FXYD6: variants seen among roughly 807,000 people sequenced by gnomAD.
The protein encoded by FXYD6 is FXYD domain-containing ion transport regulator 6.
FXYD6 carries 7 observed loss-of-function variants against 16.7 expected under a neutral mutation model. That is an observed-to-expected ratio of 0.42 (90% CI 0.24 to 0.79). The LOEUF (loss-of-function observed/expected upper bound fraction) is 0.79, where lower values mean the gene tolerates loss of function less well. FXYD6 is among the 30% of genes least tolerant of loss of function. FXYD6 has a pLI of 0.28. For synonymous variants in FXYD6, 49 were observed against 43.0 expected (o/e 1.14, Z -0.54); for missense variants, 111 against 116.2 (o/e 0.95, Z 0.21).
chr11:117,839,709 C>T (rs1272795690), intron 7 of FXYD6, 72 bp downstream of exon 7: 2 of 1,593,022 alleles, frequency 1.3e-6, no homozygotes, highest in African/African-American at 2.7e-5. Flanking sequence ...TCCTTCCCGC[C>T]TGAACCCCTG....
At chr11:117,860,617 C>T (rs367825137) in intron 1 of FXYD6, among the ~76,000 whole-genome samples, 1 of 152,154 alleles carries the variant, frequency 6.6e-6, no homozygotes, top group South Asian at 2.1e-4. Flanking sequence ...CTGATTAGGC[C>T]GAGGGTGAGA....
chr11:117,846,367 C>T (rs374761807), intron 1 of FXYD6, among the ~76,000 whole-genome samples: 2 of 152,144 alleles, frequency 1.3e-5, no homozygotes, highest in African/African-American at 4.8e-5. Context: ...CTTATTTTTT[C>T]ACTTTTAAAA....
At chr11:117,853,672 A>G (rs1453261096) in intron 1 of FXYD6, among the ~76,000 whole-genome samples, 1 of 152,070 alleles carries the variant, frequency 6.6e-6, no homozygotes, top group Non-Finnish European at 1.5e-5. Context: ...TTGTATTTTT[A>G]GTAGAGACAG....
intron 1 of FXYD6, among the ~76,000 whole-genome samples, chr11:117,849,846 T>C (rs2056563555): frequency 6.6e-6 from 1 of 152,166 alleles, no homozygotes; most frequent in South Asian, 2.1e-4. Context: ...ACCCTGGTAA[T>C]GGTTACTTCA....
intron 2 of FXYD6, among the ~76,000 whole-genome samples, 179 bp downstream of exon 2, chr11:117,842,540 A>G (rs569822237): frequency 6.6e-6 from 1 of 152,306 alleles, no homozygotes; most frequent in African/African-American, 2.4e-5. Flanking sequence ...GAGGTCTGTG[A>G]ATAAATAGCT....
chr11:117,840,650 T>C (rs2056318165), intron 5 of FXYD6, among the ~76,000 whole-genome samples: 1 of 152,166 alleles, frequency 6.6e-6, no homozygotes, highest in Non-Finnish European at 1.5e-5. Flanking sequence ...CCACACGCTT[T>C]GGACTTCTGG....
At chr11:117,858,125 G>A (rs1455011977) in intron 1 of FXYD6, 1 of 152,092 alleles carries the variant, frequency 6.6e-6, no homozygotes, top group Non-Finnish European at 1.5e-5. Flanking sequence ...CCCCACCCCA[G>A]CCCCACTCCA....
intron 1 of FXYD6, among the ~76,000 whole-genome samples, chr11:117,844,526 C>T (rs2056429631): frequency 6.6e-6 from 1 of 151,848 alleles, no homozygotes; most frequent in African/African-American, 2.4e-5. Flanking sequence ...ACTGAGTCTC[C>T]CTGTGTCGCC....
intron 1 of FXYD6, among the ~76,000 whole-genome samples, chr11:117,843,491 GTTCA>G (rs2056405093): frequency 2.0e-5 from 3 of 152,118 alleles, no homozygotes; most frequent in Admixed American, 6.5e-5. Context: ...GCCATCCCTA[GTTCA>G]TTCTGACAGC....
chr11:117,870,514 G>A lies in FXYD6; in HGVS notation c.-6+6078C>T. Among the ~76,000 whole-genome samples the A allele has an allele frequency of 6.6e-6, 1 of 152,194 alleles. No individual in the cohort carries two copies. The highest frequency in any genetic ancestry group is 1.5e-5 in the Non-Finnish European group (1 of 68,026). On this transcript the variant is annotated intron_variant, in intron 1 of 7. Coordinates refer to ENST00000526014, the MANE Select transcript of FXYD6 (RefSeq NM_022003.4). The surrounding 1 kb of genome is among the most constrained non-coding windows in gnomAD (Gnocchi z 4.2). ...GCCCACGCCACCCTGCCCACAGCCA[G>A]GCCACAGCACCAGGCAGCCCCCTTT...
At chr11:117,841,351 G>A (rs1028275019) in intron 4 of FXYD6, among the ~76,000 whole-genome samples, 167 bp from the exon 5 acceptor site, 1 of 152,024 alleles carries the variant, frequency 6.6e-6, no homozygotes, top group Admixed American at 6.5e-5. Flanking sequence ...CTTCTTCTGG[G>A]GCAAAGGAAA....
chr11:117,841,254 G>A, intron 4 of FXYD6, 70 bp from the exon 5 acceptor site: 1 of 1,608,978 alleles, frequency 6.2e-7, no homozygotes, highest in Non-Finnish European at 8.5e-7. Flanking sequence ...GGTCTGTGCA[G>A]GTTGTGGGAC....
chr11:117,850,025 CT>C (rs1289687481), intron 1 of FXYD6, among the ~76,000 whole-genome samples: 1 of 152,218 alleles, frequency 6.6e-6, no homozygotes, highest in Admixed American at 6.5e-5. Flanking sequence ...TACATATGTC[CT>C]GTGGAATGCC....
At chr11:117,850,594 T>C (rs767374587) in intron 1 of FXYD6, among the ~76,000 whole-genome samples, 4 of 152,250 alleles carry the variant, frequency 2.6e-5, no homozygotes, top group Non-Finnish European at 4.4e-5. Flanking sequence ...CATCTGTTTT[T>C]TCCCTATGGG....
intron 1 of FXYD6, among the ~76,000 whole-genome samples, chr11:117,857,414 T>TC: frequency 6.6e-6 from 1 of 150,386 alleles, no homozygotes. Flanking sequence ...AAGTGGATTT[T>TC]TTTTTTTTTT....
intron 1 of FXYD6, among the ~76,000 whole-genome samples, chr11:117,845,673 G>C (rs2056452080): frequency 6.6e-6 from 1 of 152,144 alleles, no homozygotes; most frequent in Non-Finnish European, 1.5e-5. Context: ...TACAAATAGA[G>C]TTGTGGACAT....
At chr11:117,876,964 A>G (rs561304614), upstream of FXYD6, 5 of 152,352 alleles carry the variant, frequency 3.3e-5, no homozygotes, top group Admixed American at 3.3e-4. Flanking sequence ...GAGAAGCAAC[A>G]GGAGACTGCC....
intron 1 of FXYD6, among the ~76,000 whole-genome samples, chr11:117,865,864 T>A (rs751232378): frequency 6.6e-6 from 1 of 151,628 alleles, no homozygotes; most frequent in Non-Finnish European, 1.5e-5. Flanking sequence ...GTGGTGGAGG[T>A]TGCAGTGAGA....
chr11:117,870,595 C>T lies in FXYD6; in HGVS notation c.-6+5997G>A, dbSNP rs1351676378. On this transcript the variant is annotated intron_variant, in intron 1 of 7. Coordinates refer to ENST00000526014, the MANE Select transcript of FXYD6 (RefSeq NM_022003.4). This position sits in a 1 kb window ranked among gnomAD's most constrained non-coding sequence, Gnocchi z 4.2. ...GCTCTGGCCTGCATGTTTCAGCCTACAGGGCACTTTGCACAATTTCATATT... is the reference window on the plus strand; with the variant it reads ...GCTCTGGCCTGCATGTTTCAGCCTATAGGGCACTTTGCACAATTTCATATT... 2.0e-5 allele frequency among the ~76,000 whole-genome samples: 3 copies of T among 152,228 alleles called. No homozygotes were observed. Among genetic ancestry groups the T allele is most frequent in the East Asian group, 1.9e-4 (1 of 5,192 alleles).
Sources: allele counts gnomAD v4.1 joint callset (sites outside exome capture counted in the v4.1 genomes callset), GRCh38; gene constraint gnomAD v4.1.1; non-coding constraint Gnocchi (gnomAD v3.1); transcripts MANE v1.5; gene names NCBI Gene and HGNC (gene_info 2026-07-23, HGNC 2026-07-21).